Variants in MICU3 observed in about 807,000 individuals in gnomAD.
The protein encoded by MICU3 is mitochondrial calcium uptake 3.
In MICU3, 62 loss-of-function variants were observed where a neutral mutation model predicts 66.5. The observed-to-expected ratio is 0.93, with a 90% CI of 0.76 to 1.15. The LOEUF is 1.15. MICU3 is among the 50% of genes most tolerant of loss of function. The pLI, the probability that MICU3 is intolerant of heterozygous loss-of-function variation, is 0.00. For missense variants in MICU3, 779 were observed against 664.4 expected (o/e 1.17, Z -1.90); for synonymous variants, 308 against 240.7 (o/e 1.28, Z -2.59).
intron 3 of MICU3, among the ~76,000 whole-genome samples, chr8:17,069,968 T>C (rs1819304219): frequency 6.6e-6 from 1 of 152,058 alleles, no homozygotes; most frequent in Admixed American, 6.6e-5. Context: ...ATACTCACTT[T>C]GGAAAACAAT....
intron 9 of MICU3, among the ~76,000 whole-genome samples, chr8:17,100,383 C>T (rs1007912140): frequency 2.0e-5 from 3 of 151,688 alleles, no homozygotes; most frequent in South Asian, 2.1e-4. Flanking sequence ...AAACTTATAT[C>T]GTGTTCCAGA....
At chr8:17,036,856 G>A (rs373229723) in intron 1 of MICU3, among the ~76,000 whole-genome samples, 182 of 152,350 alleles carry the variant, frequency 1.2e-3, no homozygotes, top group African/African-American at 4.1e-3. Context: ...ACTGGGCACC[G>A]TGGCGCAGGG....
chr8:17,042,931 A>ATTTTTTTTTT lies in MICU3; in HGVS notation c.381+15288_381+15297dup, dbSNP rs996846253. 2.1e-3 allele frequency among the ~76,000 whole-genome samples: 173 copies of ATTTTTTTTTT among 82,158 alleles called. 33 individuals are homozygous for ATTTTTTTTTT. Among genetic ancestry groups the ATTTTTTTTTT allele is most frequent in the African/African-American group, 9.6e-3 (166 of 17,332 alleles). The allele number at this position is 82,158 out of a possible 152,430, so 53.9% of individuals were successfully genotyped here. On this transcript the variant is annotated intron_variant, in intron 1 of 14. Transcript: ENST00000318063. ...AAACTGCTTGTAGCAATTCAAAGTG[A>ATTTTTTTTTT]TTTTTTTTTTTTTTTTTTTTTTTTT... is the stretch of plus-strand genomic sequence containing the variant.
intron 5 of MICU3, among the ~76,000 whole-genome samples, chr8:17,084,921 A>G (rs1799306599): frequency 6.6e-6 from 1 of 152,050 alleles, no homozygotes; most frequent in Admixed American, 6.6e-5. Context: ...TATTGAATAT[A>G]TTTAAAATGT....
At chr8:17,058,205 T>C (rs1269322508) in intron 1 of MICU3, among the ~76,000 whole-genome samples, 1 of 152,218 alleles carries the variant, frequency 6.6e-6, no homozygotes. Flanking sequence ...ACTGAAATAA[T>C]ACATAGTAAT....
intron 1 of MICU3, among the ~76,000 whole-genome samples, chr8:17,060,858 T>C (rs1817729908): frequency 6.6e-6 from 1 of 151,978 alleles, no homozygotes. Context: ...ACTGACCTTC[T>C]TTTAAAGTGG....
chr8:17,077,725 G>T, intron 3 of MICU3, 58 bp from the exon 4 acceptor site: 5 of 1,183,206 alleles, frequency 4.2e-6, no homozygotes, highest in African/African-American at 1.5e-5. Flanking sequence ...ACATGTTTTT[G>T]ATCTATTTTA....
intron 1 of MICU3, among the ~76,000 whole-genome samples, chr8:17,036,840 G>A (rs539695421): frequency 8.5e-5 from 13 of 152,360 alleles, no homozygotes; most frequent in South Asian, 2.1e-4. Flanking sequence ...TTGGGTGGTC[G>A]ATGGCACTGG....
intron 1 of MICU3, among the ~76,000 whole-genome samples, chr8:17,054,662 G>A (rs1816619413): frequency 6.6e-6 from 1 of 151,234 alleles, no homozygotes; most frequent in Non-Finnish European, 1.5e-5. Context: ...AAAACCATTT[G>A]TTTACCTTCA....
At chr8:17,106,485 G>T (rs185939372) in intron 11 of MICU3, among the ~76,000 whole-genome samples, 1 of 149,216 alleles carries the variant, frequency 6.7e-6, no homozygotes, top group East Asian at 2.0e-4. Context: ...ATTGAAAATT[G>T]TACTACCCTA....
chr8:17,131,401 G>C, the MICU3 span: 5 of 16,398 alleles, frequency 3.0e-4, no homozygotes, highest in African/African-American at 5.5e-4. Flanking sequence ...GTGCCAGGGG[G>C]GCCATCCACA....
chr8:17,098,588 TTGCCATC>T (rs1188653300), intron 9 of MICU3, 35 bp downstream of exon 9: 1 of 1,334,880 alleles, frequency 7.5e-7, no homozygotes, highest in East Asian at 2.3e-5. Flanking sequence ...CTTGTACTAT[TTGCCATC>T]TTGTTAATCT....
At chr8:17,133,229 A>C in the MICU3 span, among the ~76,000 whole-genome samples, 1 of 152,184 alleles carries the variant, frequency 6.6e-6, no homozygotes, top group Admixed American at 6.5e-5. Context: ...AAAGTGCACT[A>C]TCTAGTTGTT....
At chr8:17,125,570 A>G (rs1423786053), downstream of MICU3, among the ~76,000 whole-genome samples, 1 of 152,122 alleles carries the variant, frequency 6.6e-6, no homozygotes, top group African/African-American at 2.4e-5. Flanking sequence ...AATCTTGACT[A>G]TCAGTATGTA....
At position 17,101,257 on chromosome 8, in the gene MICU3, G is replaced by A. The variant is rs1438115914; in HGVS notation, c.984+2704G>A. On this transcript the variant is annotated intron_variant, in intron 9 of 14. Transcript: ENST00000318063. ...CTCCCTTTGTTATGAAAACACCCGA[G>A]TTCATTTTATTTTAACAATGAGCAC... is the stretch of plus-strand genomic sequence containing the variant. Among the ~76,000 whole-genome samples, 29 of 151,640 alleles carry A rather than the reference G, an allele frequency of 1.9e-4. 1 individual carries two copies. The highest frequency in any genetic ancestry group is 1.9e-3 in the Admixed American group (29 of 15,198).
At chr8:17,037,893 G>T (rs1813321628) in intron 1 of MICU3, among the ~76,000 whole-genome samples, 1 of 152,196 alleles carries the variant, frequency 6.6e-6, no homozygotes, top group Non-Finnish European at 1.5e-5. Context: ...GGAGCTTTAA[G>T]ATTTGCCTGT....
chr8:17,060,035 G>C (rs957208819), intron 1 of MICU3, among the ~76,000 whole-genome samples: 5 of 152,134 alleles, frequency 3.3e-5, no homozygotes, highest in African/African-American at 1.2e-4. Flanking sequence ...TAAACAGATT[G>C]ACAGGTACAG....
At chr8:17,036,256 G>T (rs779456843) in intron 1 of MICU3, among the ~76,000 whole-genome samples, 4 of 152,064 alleles carry the variant, frequency 2.6e-5, no homozygotes, top group Non-Finnish European at 4.4e-5. Flanking sequence ...TCGTGGTCTT[G>T]CTGGGCTCAG....
intron 7 of MICU3, among the ~76,000 whole-genome samples, chr8:17,089,331 T>A (rs1563359545): frequency 6.6e-6 from 1 of 152,066 alleles, no homozygotes; most frequent in African/African-American, 2.4e-5. Context: ...GTTAACATTG[T>A]TAATCACATT....
Sources: gnomAD v4.1 joint callset for allele counts (sites outside exome capture counted in the v4.1 genomes callset) on GRCh38, gnomAD v4.1.1 for gene constraint, MANE v1.5 for transcripts, NCBI Gene and HGNC (gene_info 2026-07-23, HGNC 2026-07-21) for gene names.